TTLL12: variants seen among roughly 807,000 people sequenced by gnomAD.
TTLL12 encodes tubulin--tyrosine ligase-like protein 12.
TTLL12 carries 77 observed loss-of-function variants against 79.6 expected under a neutral mutation model. The observed-to-expected ratio is 0.97, with a 90% CI of 0.81 to 1.17. TTLL12 has a LOEUF of 1.17. Among genes scored for constraint, TTLL12 ranks in the 50% most tolerant of loss-of-function variants. The pLI is 0.00. For synonymous variants in TTLL12, 437 were observed against 376.1 expected, an observed-to-expected ratio of 1.16 and a Z score of -1.87; for missense variants, 969 against 895.9, an observed-to-expected ratio of 1.08 and a Z score of -1.04.
chr22:43,168,960 T>C (rs1415374711), intron 12 of TTLL12, 48 bp from the exon 13 acceptor site: 3 of 1,557,380 alleles, frequency 1.9e-6, no homozygotes, highest in Non-Finnish European at 2.6e-6. Flanking sequence ...GAACAGCCTC[T>C]CAAGAGGGGG....
chr22:43,168,753 G>T, intron 13 of TTLL12, 21 bp downstream of exon 13: 1 of 1,549,708 alleles, frequency 6.5e-7, no homozygotes, highest in South Asian at 1.2e-5. Flanking sequence ...TTTGGATCAG[G>T]AGATGGGGAG....
chr22:43,186,935 G>A lies in TTLL12; in HGVS notation c.135C>T (p.Pro45=), dbSNP rs1490004268. The A allele has an allele frequency of 1.5e-6, 2 of 1,365,296 alleles. No homozygotes were observed. The highest frequency in any genetic ancestry group is 3.2e-5 in the East Asian group (1 of 31,008). 84.6% of individuals were successfully genotyped at this position (1,365,296 alleles called of 1,614,324 possible). A position where few individuals can be genotyped will look rare whatever the true frequency, so the allele number is the denominator to read the frequency against. Residue 45 remains proline (P), a synonymous_variant, in exon 1 of 14, where the codon CCC becomes CCT. Coordinates refer to ENST00000216129, the MANE Select transcript of TTLL12 (RefSeq NM_015140.4). ...HGPALRASGV[P]ERYWGRLLHK... ...GCAGGAGGCGGCCCCAGTAACGTTCGGGGACCCCCGAAGCGCGCAGCGCCG... is the reference window on the plus strand; with the variant it reads ...GCAGGAGGCGGCCCCAGTAACGTTCAGGGACCCCCGAAGCGCGCAGCGCCG...
Position 43,176,348 on chromosome 22 carries a change from C to G in TTLL12, c.889G>C (p.Val297Leu), listed in dbSNP as rs11704935. ...AAGATGTGGCCGTGGGGGTGCACCA[C>G]GGGGTTGATGTCAAGTGGCAGCTTC... ...KEKLPLDINP[V>L]VHPHGHIFKV... The change falls in exon 6 of 14, where the codon GTG becomes CTG. Residue 297 changes from valine to leucine, a missense_variant. Transcript: ENST00000216129. The G allele has an allele frequency of 5.5e-5, 88 of 1,603,386 alleles. No individual in the cohort carries two copies. Among genetic ancestry groups the G allele is most frequent in the Non-Finnish European group, 7.2e-5 (85 of 1,176,222 alleles).
intron 5 of TTLL12, 61 bp downstream of exon 5, chr22:43,179,558 C>T (rs1931998374): frequency 6.7e-7 from 1 of 1,502,772 alleles, no homozygotes; most frequent in Non-Finnish European, 8.8e-7. Flanking sequence ...TTGGTGTGTG[C>T]ACAGAGAACA....
intron 11 of TTLL12, 186 bp from the exon 12 acceptor site, chr22:43,169,754 T>C: frequency 1.5e-6 from 1 of 678,396 alleles, no homozygotes; most frequent in East Asian, 2.9e-5. Flanking sequence ...CAGGTCTTAC[T>C]GTGTGACTCT....
At chr22:43,180,392 A>G (rs11703845) in intron 3 of TTLL12, among the ~76,000 whole-genome samples, 13,016 of 152,156 alleles carry the variant, frequency 0.086, 627 homozygotes, top group Non-Finnish European at 0.11. Context: ...TCTTTTCCCA[A>G]ACTAAGAGTG....
At position 43,172,489 on chromosome 22, in the gene TTLL12, G is replaced by T. The variant is rs141545045; in HGVS notation, c.1407C>A (p.Phe469Leu). ...GCAGCAGCACGATGTAGCGGATGTC[G>T]AACTTGACCTTTCCCACGTCTTCTC... is the stretch of plus-strand genomic sequence containing the variant. The part of the protein sequence containing the change: ...FLREDVGKVK[F>L]DIRYIVLLRS... Residue 469 changes from phenylalanine to leucine, a missense_variant, in exon 10 of 14, where the codon TTC becomes TTA. Phe to Leu is a conservative substitution (Grantham distance 22, BLOSUM62 0). Transcript: ENST00000216129. The T allele has an allele frequency of 6.2e-7, 1 of 1,614,066 alleles. No homozygotes were observed. The highest frequency in any genetic ancestry group is 8.5e-7 in the Non-Finnish European group (1 of 1,180,030).
In TTLL12 at chr22:43,174,381, C is replaced by T. The variant is rs776096968; in HGVS notation, c.1057G>A (p.Gly353Ser). The change falls in exon 8 of 14, where the codon GGC becomes AGC. Residue 353 changes from glycine (G) to serine (S), a missense_variant. Transcript: ENST00000216129. ...CAGGGGAACTGGTTCAGCAGCACGC[C>T]TGGCCTCTCCTGGCTGAGTTTCCTG... ...DYRKLSQERPGVLLNQFPCEN... is the reference protein window; with the variant it reads ...DYRKLSQERPSVLLNQFPCEN... The T allele has an allele frequency of 7.7e-6, 12 of 1,565,966 alleles. No individual in the cohort carries two copies. In the South Asian group the frequency reaches 1.3e-4, roughly 17 times the overall value.
At chr22:43,181,193 G>T (rs758765673) in intron 2 of TTLL12, among the ~76,000 whole-genome samples, 1 of 152,200 alleles carries the variant, frequency 6.6e-6, no homozygotes, top group Non-Finnish European at 1.5e-5. Context: ...GGCAGCAGGG[G>T]TCTCTACCGC....
chr22:43,168,010 A>C lies in TTLL12; in HGVS notation c.1933T>G (p.Ter645GluextTer19). Reference sequence around the variant, plus strand: ...CAGGTTTTGGGGACAGCGAGTGCCTAGACAAGGCAGGTAACGTGGCAGCCA... The same window carrying C: ...CAGGTTTTGGGGACAGCGAGTGCCTCGACAAGGCAGGTAACGTGGCAGCCA... ...PGGCHVTCLV[*>E] The change falls in exon 14 of 14, where the codon TAG becomes GAG. Residue 645 changes from the stop codon to glutamate (E), a stop_lost. Coordinates refer to ENST00000216129, the MANE Select transcript of TTLL12 (RefSeq NM_015140.4). The C allele has an allele frequency of 6.2e-7, 1 of 1,613,722 alleles. No individual in the cohort carries two copies. The highest frequency in any genetic ancestry group is 1.3e-5 in the African/African-American group (1 of 75,050).
chr22:43,176,785 C>T (rs987589497), intron 5 of TTLL12, among the ~76,000 whole-genome samples: 1 of 151,334 alleles, frequency 6.6e-6, no homozygotes, highest in Non-Finnish European at 1.5e-5. Flanking sequence ...AGCCTCACCA[C>T]CTGGCATCAG....
At chr22:43,173,995 A>C (rs910258859) in intron 8 of TTLL12, among the ~76,000 whole-genome samples, 169 bp from the exon 9 acceptor site, 18 of 152,194 alleles carry the variant, frequency 1.2e-4, no homozygotes, top group Non-Finnish European at 2.6e-4. Context: ...GGTTTGCCAG[A>C]GGCCAGGCAG....
chr22:43,186,746 C>T, intron 1 of TTLL12, 147 bp downstream of exon 1: 2 of 831,394 alleles, frequency 2.4e-6, no homozygotes, highest in Non-Finnish European at 3.2e-6. Flanking sequence ...CCCCCAACTC[C>T]ACGCCGCTCC....
chr22:43,172,322 A>G, intron 10 of TTLL12, 81 bp downstream of exon 10: 1 of 1,545,292 alleles, frequency 6.5e-7, no homozygotes, highest in Non-Finnish European at 8.9e-7. Context: ...TTCTGATTCC[A>G]AAAAGGGCCC....
chr22:43,168,289 C>G, intron 13 of TTLL12, 130 bp from the exon 14 acceptor site: 1 of 1,323,440 alleles, frequency 7.6e-7, no homozygotes. Flanking sequence ...ATGAGCAGGA[C>G]AAGGCCGGGC....
chr22:43,171,802 C>T lies in TTLL12; in HGVS notation c.1575+17G>A. 6.2e-7 allele frequency: 1 copy of T among 1,612,316 alleles called. No homozygotes were observed. On this transcript the variant is annotated intron_variant, in intron 11 of 13. Transcript: ENST00000216129. ...GGCCTCTGTGTGAACCTGCTCTGCA[C>T]CTCCCTCAGGCCCTACCTGCTTCAG...
rs1015544057 is a variant in TTLL12, at chr22:43,169,566, C to T, written c.1578G>A (p.Val526=). The change falls in exon 12 of 14, where the codon GTG becomes GTA. Residue 526 remains valine (V), a splice_region_variant and synonymous_variant. Transcript: ENST00000216129. ...NYDPDVVLKQ[V]HCEEFIPEFE... ...ACTCGGGGATGAACTCTTCACAGTG[C>T]ACCTGCAACAGACACAGGGCCCATC... is the stretch of plus-strand genomic sequence containing the variant. The T allele has an allele frequency of 2.5e-6, 4 of 1,613,440 alleles. No homozygotes were observed. Among genetic ancestry groups the T allele is most frequent in the East Asian group, 2.2e-5 (1 of 44,856 alleles).
chr22:43,167,743 A>G lies in TTLL12; in HGVS notation c.*265T>C. 1 of 396,956 alleles carries G rather than the reference A, an allele frequency of 2.5e-6. No homozygotes were observed. The highest frequency in any genetic ancestry group is 4.4e-5 in the East Asian group (1 of 22,756). The allele number at this position is 396,956 out of a possible 1,614,324, so 24.6% of individuals were successfully genotyped here. ...AAACTGGAGACTCATCAGTGCACAG[A>G]TGGTGGTGAGGGGTGAGGGCAGGGC... is the stretch of plus-strand genomic sequence containing the variant. On this transcript the variant is annotated 3_prime_UTR_variant, in exon 14 of 14. Coordinates refer to ENST00000216129, the MANE Select transcript of TTLL12 (RefSeq NM_015140.4).
chr22:43,172,238 A>C (rs1451705662), intron 10 of TTLL12, among the ~76,000 whole-genome samples, 165 bp downstream of exon 10: 1 of 152,214 alleles, frequency 6.6e-6, no homozygotes, highest in Non-Finnish European at 1.5e-5. Context: ...AGTCACCGCC[A>C]ATTAACACCA....
Sources: gnomAD v4.1 joint callset for allele counts (sites outside exome capture counted in the v4.1 genomes callset) on GRCh38, gnomAD v4.1.1 for gene constraint, MANE v1.5 for transcripts, NCBI Gene and HGNC (gene_info 2026-07-23, HGNC 2026-07-21) for gene names.